The following GBE1 variants were observed in gnomAD, a reference collection of about 807,000 sequenced individuals.
GBE1 encodes 1,4-alpha-glucan-branching enzyme.
GBE1 carries 70 observed loss-of-function variants against 88.8 expected under a neutral mutation model. The observed-to-expected ratio is 0.79, with a 90% CI of 0.65 to 0.96. The LOEUF (loss-of-function observed/expected upper bound fraction) is 0.96. GBE1 is among the 40% of genes least tolerant of loss of function. The pLI is 0.00. For missense variants in GBE1, 872 were observed against 871.0 expected (o/e 1.00, Z -0.01); for synonymous variants, 284 against 300.1 (o/e 0.95, Z 0.56).
At chr3:81,705,654 T>C (rs1276348370) in intron 1 of GBE1, 41 bp from the exon 2 acceptor site, 28 of 1,363,032 alleles carry the variant, frequency 2.1e-5, no homozygotes, top group East Asian at 2.7e-5. Context: ...GAAAATTAAA[T>C]AGTCTTCTAG....
In GBE1 at chr3:81,699,558, G is replaced by T. The variant is rs142847503; in HGVS notation, c.313+5886C>A. On this transcript the variant is annotated intron_variant, in intron 2 of 15. Transcript: ENST00000429644. The stretch of plus-strand genomic sequence containing the variant: ...CACAATAGGCCGTCTGCAAGCTGAG[G>T]AGCAAGGAGAGCCACTCCAAGTCCC... 2.4e-3 allele frequency among the ~76,000 whole-genome samples: 365 copies of T among 152,232 alleles called. 5 individuals are homozygous for T. Among genetic ancestry groups the T allele is most frequent in the African/African-American group, 8.4e-3 (350 of 41,538 alleles).
At chr3:81,542,449 C>G (rs545448839) in intron 12 of GBE1, among the ~76,000 whole-genome samples, 4 of 152,068 alleles carry the variant, frequency 2.6e-5, no homozygotes, top group Non-Finnish European at 5.9e-5. Flanking sequence ...GTTTTGAACA[C>G]TGCTCATGAT....
Position 81,517,006 on chromosome 3 carries a change from A to G in GBE1, c.1935-17779T>C, listed in dbSNP as rs1559630866. On this transcript the variant is annotated intron_variant, in intron 14 of 15. Transcript: ENST00000429644. ...GAGATGGCAACAAATGATTTGGAAT[A>G]TAATATAAACCTAGGTAATCTTTAT... 2.0e-5 allele frequency among the ~76,000 whole-genome samples: 3 copies of G among 151,758 alleles called. No homozygotes were observed. The South Asian group carries it at 6.2e-4, about 31-fold the overall frequency.
intron 12 of GBE1, among the ~76,000 whole-genome samples, chr3:81,540,983 T>C (rs969725033): frequency 3.4e-4 from 52 of 152,136 alleles, no homozygotes; most frequent in African/African-American, 1.2e-3. Context: ...GCTAGAACAC[T>C]CCTGGCACCT....
At chr3:81,622,427 T>C (rs1704345817) in intron 7 of GBE1, among the ~76,000 whole-genome samples, 1 of 152,218 alleles carries the variant, frequency 6.6e-6, no homozygotes, top group Non-Finnish European at 1.5e-5. Flanking sequence ...CTGACCTCTT[T>C]ATGTTAGAGT....
At chr3:81,619,352 A>G (rs917688692) in intron 7 of GBE1, among the ~76,000 whole-genome samples, 1 of 152,182 alleles carries the variant, frequency 6.6e-6, no homozygotes, top group African/African-American at 2.4e-5. Context: ...GATGGAACAA[A>G]ATGGTTTTAT....
intron 2 of GBE1, among the ~76,000 whole-genome samples, chr3:81,677,443 T>C (rs1025657261): frequency 6.6e-6 from 1 of 152,220 alleles, no homozygotes; most frequent in African/African-American, 2.4e-5. Context: ...CAAGGAAACA[T>C]CCTTCCTCAT....
intron 14 of GBE1, among the ~76,000 whole-genome samples, chr3:81,520,285 C>T (rs1337523179): frequency 2.0e-5 from 3 of 151,476 alleles, no homozygotes; most frequent in Admixed American, 1.3e-4. Context: ...TATATGCTCA[C>T]TGCATGTCTC....
intron 7 of GBE1, among the ~76,000 whole-genome samples, chr3:81,635,015 T>C (rs1021693078): frequency 1.3e-5 from 2 of 152,176 alleles, no homozygotes; most frequent in African/African-American, 4.8e-5. Context: ...TTCACTGTTC[T>C]TAACACAGTG....
rs1559661615 is a variant in GBE1 at position 81,609,427 on chromosome 3, C to T, written c.993-15404G>A. Among the ~76,000 whole-genome samples the T allele has an allele frequency of 3.3e-5, 5 of 152,126 alleles. No homozygotes were observed. The South Asian group carries it at 8.3e-4, about 25-fold the overall frequency. On this transcript the variant is annotated intron_variant, in intron 7 of 15. Coordinates refer to ENST00000429644, the MANE Select transcript of GBE1 (RefSeq NM_000158.4). ...TGTCTCTTCACCCTCAAAAACACAG[C>T]TCAAAGCCAAAAAAAACTTTAAAGT...
intron 1 of GBE1, chr3:81,743,416 G>T: frequency 1.7e-6 from 1 of 573,448 alleles, no homozygotes; most frequent in Non-Finnish European, 3.1e-6. Flanking sequence ...AAGACACAAG[G>T]CACACACACA....
At chr3:81,635,293 A>T (rs1704576633) in intron 7 of GBE1, among the ~76,000 whole-genome samples, 1 of 152,176 alleles carries the variant, frequency 6.6e-6, no homozygotes, top group Non-Finnish European at 1.5e-5. Flanking sequence ...TTACAACTCA[A>T]TAGTGATGCC....
chr3:81,598,937 ATT>A (rs1408302752), intron 7 of GBE1, among the ~76,000 whole-genome samples: 5 of 152,102 alleles, frequency 3.3e-5, no homozygotes, highest in African/African-American at 7.2e-5. Context: ...AAATTAATAT[ATT>A]GTTTAATCAG....
chr3:81,740,611 G>A (rs115618065), intron 1 of GBE1, among the ~76,000 whole-genome samples: 4,335 of 152,176 alleles, frequency 0.028, 225 homozygotes, highest in African/African-American at 0.095. Flanking sequence ...AATTGAAAAT[G>A]AGGAGTATGA....
intron 2 of GBE1, among the ~76,000 whole-genome samples, chr3:81,688,789 A>G (rs1190881241): frequency 1.3e-5 from 2 of 151,690 alleles, no homozygotes; most frequent in Non-Finnish European, 2.9e-5. Flanking sequence ...TTGTATTTTA[A>G]AACAGATCTT....
At chr3:81,667,787 G>A (rs1183906672) in intron 3 of GBE1, among the ~76,000 whole-genome samples, 1 of 152,108 alleles carries the variant, frequency 6.6e-6, no homozygotes, top group Non-Finnish European at 1.5e-5. Flanking sequence ...TGCATCCCGG[G>A]GATGAAACTA....
chr3:81,628,742 C>CCTATAT (rs1289319781), intron 7 of GBE1, among the ~76,000 whole-genome samples: 1 of 65,418 alleles, frequency 1.5e-5, no homozygotes. Flanking sequence ...AGAACAATTG[C>CCTATAT]ATATATATAT....
At chr3:81,571,986 G>C (rs1703581763) in intron 12 of GBE1, among the ~76,000 whole-genome samples, 1 of 152,106 alleles carries the variant, frequency 6.6e-6, no homozygotes, top group Non-Finnish European at 1.5e-5. Context: ...ATCTCATCTT[G>C]AATTGTAATT....
At chr3:81,541,331 G>C (rs1157980026) in intron 12 of GBE1, among the ~76,000 whole-genome samples, 1 of 151,494 alleles carries the variant, frequency 6.6e-6, no homozygotes, top group Non-Finnish European at 1.5e-5. Context: ...GCCTCAGAGG[G>C]TTCATGGACT....
Sources: allele counts gnomAD v4.1 joint callset (sites outside exome capture counted in the v4.1 genomes callset), GRCh38; gene constraint gnomAD v4.1.1; transcripts MANE v1.5; gene names NCBI Gene and HGNC (gene_info 2026-07-23, HGNC 2026-07-21).